NTM: variants seen among roughly 807,000 people sequenced by gnomAD.
The protein encoded by NTM is neurotrimin, also known as IgLON family member 2.
In NTM, 13 loss-of-function variants were observed where a neutral mutation model predicts 42.1. The ratio of observed to expected loss-of-function variants is 0.31; its 90% CI spans 0.20 to 0.49. The LOEUF (loss-of-function observed/expected upper bound fraction) is 0.49. NTM is among the 20% of genes least tolerant of loss of function. The pLI, the probability that NTM is intolerant of heterozygous loss-of-function variation, is 0.99. For missense variants in NTM, 373 were observed against 452.8 expected (o/e 0.82, Z 1.60); for synonymous variants, 187 against 179.2 (o/e 1.04, Z -0.35).
At chr11:131,748,890 C>T (rs1444971658) in intron 1 of NTM, among the ~76,000 whole-genome samples, 1 of 152,182 alleles carries the variant, frequency 6.6e-6, no homozygotes, top group Admixed American at 6.5e-5. Flanking sequence ...GCCCTGCTTT[C>T]CTCACAGCAT....
chr11:131,780,317 C>T (rs1475337928), intron 1 of NTM, among the ~76,000 whole-genome samples: 1 of 152,080 alleles, frequency 6.6e-6, no homozygotes, highest in Non-Finnish European at 1.5e-5. Context: ...GGCAGATCAT[C>T]CAGGGTGTGA....
At chr11:131,985,939 C>T (rs988879794) in intron 2 of NTM, among the ~76,000 whole-genome samples, 10 of 152,140 alleles carry the variant, frequency 6.6e-5, no homozygotes, top group African/African-American at 2.2e-4. Flanking sequence ...CTCTGTTCAC[C>T]TCCCTCCGCC....
chr11:132,118,715 C>T (rs968914770), intron 2 of NTM, among the ~76,000 whole-genome samples: 12 of 152,102 alleles, frequency 7.9e-5, no homozygotes, highest in Non-Finnish European at 5.9e-5. Flanking sequence ...CTCTGGCACC[C>T]CCAAACTCTC....
At position 132,146,116 on chromosome 11, in the gene NTM, A is replaced by G. The variant is rs28551574; in HGVS notation, c.168-166A>G. 27,651 of 555,088 alleles carry G rather than the reference A, an allele frequency of 0.05. 1,419 individuals carry two copies. Among genetic ancestry groups the G allele is most frequent in the African/African-American group, 0.21 (10,206 of 48,658 alleles). 34.4% of individuals were successfully genotyped at this position (555,088 alleles called of 1,614,324 possible). Reference sequence around the variant, plus strand: ...CATTCTGAGGCTGTAATCCCATAAGACCTTTGCTGTGTTCCAGAAAAGTCC... The same window carrying G: ...CATTCTGAGGCTGTAATCCCATAAGGCCTTTGCTGTGTTCCAGAAAAGTCC... On this transcript the variant is annotated intron_variant, in intron 2 of 8. Coordinates refer to ENST00000683400, the MANE Select transcript of NTM (RefSeq NM_001352005.2). This position sits in a 1 kb window ranked among gnomAD's most constrained non-coding sequence, Gnocchi z 4.5.
intron 1 of NTM, among the ~76,000 whole-genome samples, chr11:131,401,830 A>ATATGTGTATG (rs1555101789): frequency 4.6e-5 from 3 of 65,326 alleles, no homozygotes; most frequent in Admixed American, 3.9e-4. Context: ...ATATATATAT[A>ATATGTGTATG]TATATATATA....
chr11:132,331,037 C>T (rs572953830), intron 8 of NTM, among the ~76,000 whole-genome samples: 7 of 152,342 alleles, frequency 4.6e-5, no homozygotes, highest in South Asian at 2.1e-4. Context: ...GGATGGCCTG[C>T]GGGAAGCAGC....
chr11:131,737,140 G>T (rs2080568704), intron 1 of NTM, among the ~76,000 whole-genome samples: 1 of 152,198 alleles, frequency 6.6e-6, no homozygotes, highest in Non-Finnish European at 1.5e-5. Flanking sequence ...GGGTTCTGAT[G>T]GATCTGGCAT....
chr11:131,455,352 C>T (rs11601906), intron 1 of NTM: 5,417 of 152,394 alleles, frequency 0.036, 132 homozygotes, highest in East Asian at 0.093. Flanking sequence ...CACCTCCGCA[C>T]GATGAGGCTG....
At chr11:131,868,263 C>T (rs559042326) in intron 1 of NTM, among the ~76,000 whole-genome samples, 1 of 152,284 alleles carries the variant, frequency 6.6e-6, no homozygotes, top group African/African-American at 2.4e-5. Context: ...GTCCAAGCCC[C>T]GCAGCCACCC....
intron 4 of NTM, among the ~76,000 whole-genome samples, chr11:132,232,045 T>C (rs1350597290): frequency 6.6e-6 from 1 of 152,184 alleles, no homozygotes; most frequent in Non-Finnish European, 1.5e-5. Context: ...AGTGTCTCTT[T>C]CCAGATCCAA....
intron 1 of NTM, among the ~76,000 whole-genome samples, chr11:131,608,128 T>C (rs1046531967): frequency 1.3e-5 from 2 of 152,162 alleles, no homozygotes; most frequent in Admixed American, 1.3e-4. Context: ...TTCCCACCTA[T>C]GAGTGAGAAC....
At chr11:131,512,732 G>A (rs979632898) in intron 1 of NTM, among the ~76,000 whole-genome samples, 2 of 152,116 alleles carry the variant, frequency 1.3e-5, no homozygotes, top group Non-Finnish European at 2.9e-5. Context: ...GCCACGGGAT[G>A]CCTGGCCTTC....
At chr11:132,318,183 G>A (rs951676479) in intron 7 of NTM, among the ~76,000 whole-genome samples, 2 of 152,184 alleles carry the variant, frequency 1.3e-5, no homozygotes, top group African/African-American at 4.8e-5. Flanking sequence ...AATACACAGT[G>A]ATTTCTAGGG....
At chr11:131,515,337 C>A (rs898387650) in intron 1 of NTM, among the ~76,000 whole-genome samples, 2 of 152,112 alleles carry the variant, frequency 1.3e-5, no homozygotes, top group Non-Finnish European at 2.9e-5. Context: ...CAGAACTCAG[C>A]GTGGGGAAAT....
intron 3 of NTM, among the ~76,000 whole-genome samples, chr11:132,163,892 GT>G (rs917193709): frequency 1.4e-4 from 20 of 147,430 alleles, no homozygotes; most frequent in South Asian, 2.2e-4. Flanking sequence ...TGGTGTCTTT[GT>G]TTTTTTTTTT....
intron 1 of NTM, among the ~76,000 whole-genome samples, chr11:131,670,644 A>G (rs2070014825): frequency 6.6e-6 from 1 of 152,134 alleles, no homozygotes; most frequent in Non-Finnish European, 1.5e-5. Flanking sequence ...GGCAGGAGAC[A>G]AGGCTAGGAG....
chr11:131,993,363 T>G (rs1337923517), intron 2 of NTM, among the ~76,000 whole-genome samples: 1 of 152,090 alleles, frequency 6.6e-6, no homozygotes. Flanking sequence ...GGACAAGGAA[T>G]GCATCTAGAA....
At chr11:131,874,474 T>A (rs2048299366) in intron 1 of NTM, among the ~76,000 whole-genome samples, 1 of 152,190 alleles carries the variant, frequency 6.6e-6, no homozygotes. Context: ...TTGCACACCG[T>A]ATGAAACACA....
At chr11:131,563,332 G>GA (rs111558715) in intron 1 of NTM, among the ~76,000 whole-genome samples, 2,199 of 152,030 alleles carry the variant, frequency 0.014, 47 homozygotes, top group African/African-American at 0.049. Flanking sequence ...CGGGTAGTGG[G>GA]AAAAAAAATT....
Sources: allele counts gnomAD v4.1 joint callset (sites outside exome capture counted in the v4.1 genomes callset), GRCh38; gene constraint gnomAD v4.1.1; non-coding constraint Gnocchi (gnomAD v3.1); transcripts MANE v1.5; gene names NCBI Gene and HGNC (gene_info 2026-07-23, HGNC 2026-07-21).